NUMA1: variants seen among roughly 807,000 people sequenced by gnomAD.
NUMA1 encodes nuclear mitotic apparatus protein 1, also known as SP-H antigen.
NUMA1 carries 62 observed loss-of-function variants against 237.1 expected under a neutral mutation model. That is an observed-to-expected ratio of 0.26 (90% CI 0.21 to 0.32). The LOEUF (loss-of-function observed/expected upper bound fraction) is 0.32. Ranked by LOEUF, NUMA1 falls within the 10% of genes least tolerant of loss-of-function variation. NUMA1 has a pLI of 1.00. For missense variants in NUMA1, 2,533 were observed against 2,666.5 expected (o/e 0.95, Z 1.10); for synonymous variants, 1,028 against 1,066.1 (o/e 0.96, Z 0.70).
intron 16 of NUMA1, 108 bp downstream of exon 16, chr11:72,012,293 C>T: frequency 9.3e-7 from 1 of 1,075,934 alleles, no homozygotes. Context: ...GCCCCCTTCA[C>T]AAACAGTTCA....
chr11:72,061,853 A>G (rs1247730163), intron 2 of NUMA1, among the ~76,000 whole-genome samples: 1 of 151,932 alleles, frequency 6.6e-6, no homozygotes, highest in East Asian at 1.9e-4. Flanking sequence ...TCCTACCCAC[A>G]CACCACAATA....
chr11:72,054,959 G>C (rs1942556897), intron 2 of NUMA1, among the ~76,000 whole-genome samples: 1 of 152,160 alleles, frequency 6.6e-6, no homozygotes, highest in Admixed American at 6.6e-5. Context: ...CATAGATCTA[G>C]TGGGCATCAG....
At chr11:72,032,301 T>G (rs1410130447) in intron 3 of NUMA1, among the ~76,000 whole-genome samples, 1 of 152,190 alleles carries the variant, frequency 6.6e-6, no homozygotes, top group African/African-American at 2.4e-5. Context: ...TGAAAAAAGC[T>G]CAATCTAATT....
intron 2 of NUMA1, among the ~76,000 whole-genome samples, chr11:72,038,357 T>G (rs1941284941): frequency 1.3e-5 from 2 of 152,176 alleles, no homozygotes; most frequent in African/African-American, 4.8e-5. Context: ...AAATATTCTT[T>G]TCTGTGTTCC....
At chr11:72,012,576 G>C in intron 15 of NUMA1, 134 bp from the exon 16 acceptor site, 1 of 877,442 alleles carries the variant, frequency 1.1e-6, no homozygotes, top group Non-Finnish European at 1.8e-6. Flanking sequence ...GTTTAAAAAT[G>C]CCAGTTAGGC....
intron 1 of NUMA1, among the ~76,000 whole-genome samples, chr11:72,071,078 C>G (rs1943429787): frequency 6.6e-6 from 1 of 152,226 alleles, no homozygotes; most frequent in South Asian, 2.1e-4. Flanking sequence ...AGTCACTTTT[C>G]ATGATACACA....
chr11:72,040,391 A>AACCAGACCTGCAACCAGGC (rs1241594622), intron 2 of NUMA1, among the ~76,000 whole-genome samples: 2 of 151,830 alleles, frequency 1.3e-5, no homozygotes, highest in Non-Finnish European at 2.9e-5. Context: ...TGCAATCAGG[A>AACCAGACCTGCAACCAGGC]ACCAGACCTG....
At chr11:72,035,094 C>T (rs1272809849) in intron 3 of NUMA1, among the ~76,000 whole-genome samples, 3 of 152,014 alleles carry the variant, frequency 2.0e-5, no homozygotes, top group African/African-American at 4.8e-5. Context: ...TGGGCTCAAG[C>T]AATCCTCCTG....
At chr11:72,024,681 C>A in intron 4 of NUMA1, 1 of 323,298 alleles carries the variant, frequency 3.1e-6, no homozygotes, top group Non-Finnish European at 5.9e-6. Flanking sequence ...AGCTATATTA[C>A]ACCATCTGGA....
chr11:72,005,235 T>C lies in NUMA1; in HGVS notation c.5827A>G (p.Arg1943Gly). 1 of 1,594,528 alleles carries C rather than the reference T, an allele frequency of 6.3e-7. No homozygotes were observed. The highest frequency in any genetic ancestry group is 8.5e-7 in the Non-Finnish European group (1 of 1,172,024). Residue 1943 changes from arginine (R) to glycine (G), a missense_variant and splice_region_variant, in exon 23 of 27, where the codon AGG (arginine) becomes GGG (glycine). Physicochemically the swap from Arg to Gly is moderately radical, Grantham distance 125. Transcript: ENST00000393695. Reference sequence around the variant, plus strand: ...TGCACAGTGACCCCAGGCCTCACCCTGGACTCCAGGGGATAGCAGGTCTTC... The same window carrying C: ...TGCACAGTGACCCCAGGCCTCACCCCGGACTCCAGGGGATAGCAGGTCTTC... ...HLKTCYPLES[R>G]PSLSLGTITD...
chr11:72,004,723 T>A lies in NUMA1; in HGVS notation c.5923A>T (p.Ile1975Leu), dbSNP rs763904139. Residue 1975 changes from isoleucine to leucine, a missense_variant, in exon 24 of 27, where the codon ATA (isoleucine) becomes TTA (leucine). Physicochemically the swap from Ile to Leu is conservative, Grantham distance 5. Transcript: ENST00000393695. ...LRRASMQPIQ[I>L]AEGTGITTRQ... ...GTGGTGATGCCAGTGCCCTCGGCTATCTGGATTGGCTGCATGCTGGCTCGG... is the reference window on the plus strand; with the variant it reads ...GTGGTGATGCCAGTGCCCTCGGCTAACTGGATTGGCTGCATGCTGGCTCGG... 105 of 1,613,422 alleles carry A rather than the reference T, an allele frequency of 6.5e-5. No individual in the cohort carries two copies. Among genetic ancestry groups the A allele is most frequent in the Non-Finnish European group, 7.7e-5 (91 of 1,179,822 alleles).
Position 72,018,379 on chromosome 11 carries a change from T to A in NUMA1, c.860+17A>T, listed in dbSNP as rs1369856354. 1 of 1,608,878 alleles carries A rather than the reference T, an allele frequency of 6.2e-7. No individual in the cohort carries two copies. The highest frequency in any genetic ancestry group is 1.7e-5 in the Admixed American group (1 of 59,998). On this transcript the variant is annotated intron_variant, in intron 11 of 26. Coordinates refer to ENST00000393695, the MANE Select transcript of NUMA1 (RefSeq NM_006185.4). ...GGAGGGGCTGGGGCCTGGGAAGGAA[T>A]GCAGGGAGAGCTGTACCTCTCATTC... is the stretch of plus-strand genomic sequence containing the variant.
intron 23 of NUMA1, 67 bp downstream of exon 23, chr11:72,005,166 G>C (rs1955603039): frequency 6.7e-7 from 1 of 1,486,208 alleles, no homozygotes; most frequent in South Asian, 1.3e-5. Context: ...GCTCAGGCTA[G>C]ATCAGCAGGT....
Position 72,004,633 on chromosome 11 carries a change from C to T in NUMA1, c.6006+7G>A, listed in dbSNP as rs375052003. 39 of 1,611,112 alleles carry T rather than the reference C, an allele frequency of 2.4e-5. No individual in the cohort carries two copies. The highest frequency in any genetic ancestry group is 2.1e-4 in the African/African-American group (16 of 74,960). On this transcript the variant is annotated splice_region_variant and intron_variant, in intron 24 of 26. Coordinates refer to ENST00000393695, the MANE Select transcript of NUMA1 (RefSeq NM_006185.4). ...CTGGAGTAACACCCAGGAGCCACCG[C>T]GCCTACCTCAGGAGTTCCAGGGCCC...
rs542693757 is a variant in NUMA1, at chr11:72,007,518, C to T, written c.5217-83G>A. 83 of 1,522,094 alleles carry T rather than the reference C, an allele frequency of 5.5e-5. No homozygotes were observed. The African/African-American group carries it at 8.8e-4, about 16-fold the overall frequency. The allele number at this position is 1,522,094 out of a possible 1,614,324, so 94.3% of individuals were successfully genotyped here. A position where few individuals can be genotyped will look rare whatever the true frequency, so the allele number is the denominator to read the frequency against. ...GCCCTTTTTGAAAGTGACCATTTCC[C>T]ATCCTTACTACAAGCAGATGAGGTC... On this transcript the variant is annotated intron_variant, in intron 20 of 26. Coordinates refer to ENST00000393695, the MANE Select transcript of NUMA1 (RefSeq NM_006185.4).
chr11:72,019,117 A>C, intron 9 of NUMA1, 137 bp from the exon 10 acceptor site: 3 of 871,138 alleles, frequency 3.4e-6, no homozygotes, highest in Non-Finnish European at 5.2e-6. Flanking sequence ...GGTTGTTTGC[A>C]GTGCTACCTC....
chr11:72,036,253 C>T (rs1267060759), intron 2 of NUMA1, among the ~76,000 whole-genome samples: 1 of 152,256 alleles, frequency 6.6e-6, no homozygotes. Flanking sequence ...AGCTGGCCTT[C>T]AACCCTACTC....
Position 72,014,342 on chromosome 11 carries a change from T to A in NUMA1, c.3161A>T (p.His1054Leu), listed in dbSNP as rs773008059. 2 of 1,613,720 alleles carry A rather than the reference T, an allele frequency of 1.2e-6. No homozygotes were observed. The highest frequency in any genetic ancestry group is 1.7e-6 in the Non-Finnish European group (2 of 1,180,004). Reference sequence around the variant, plus strand: ...CTTGCCTTCCTTTTCCGTCAGGGCATGAGCCAGTGCCTCTTGCAGGGTAGC... The same window carrying A: ...CTTGCCTTCCTTTTCCGTCAGGGCAAGAGCCAGTGCCTCTTGCAGGGTAGC... ...EFATLQEALA[H>L]ALTEKEGKDQ... Residue 1054 changes from histidine to leucine, a missense_variant, in exon 15 of 27, where the codon CAT becomes CTT. His to Leu is a moderately conservative substitution (Grantham distance 99, BLOSUM62 -3). Coordinates refer to ENST00000393695, the MANE Select transcript of NUMA1 (RefSeq NM_006185.4). This position sits in a 1 kb window ranked among gnomAD's most constrained non-coding sequence, Gnocchi z 4.6.
chr11:72,028,138 G>C (rs1230771728), intron 4 of NUMA1, among the ~76,000 whole-genome samples: 4 of 152,206 alleles, frequency 2.6e-5, no homozygotes, highest in Non-Finnish European at 5.9e-5. Context: ...GGCCCCGCTA[G>C]ACCTTGCTGA....
Sources: gnomAD v4.1 joint callset for allele counts (sites outside exome capture counted in the v4.1 genomes callset) on GRCh38, gnomAD v4.1.1 for gene constraint, Gnocchi (gnomAD v3.1) non-coding constraint, MANE v1.5 for transcripts, NCBI Gene and HGNC (gene_info 2026-07-23, HGNC 2026-07-21) for gene names.